The following TMEM131 variants were observed in gnomAD, a reference collection of about 807,000 sequenced individuals.
TMEM131 encodes the protein transmembrane protein 131.
A neutral mutation model predicts 211.6 loss-of-function variants in TMEM131; 66 were observed. That is an observed-to-expected ratio of 0.31 (90% CI 0.26 to 0.38). The LOEUF (loss-of-function observed/expected upper bound fraction) is 0.38. TMEM131 is among the 10% of genes least tolerant of loss of function. The pLI is 1.00. For synonymous variants in TMEM131, 844 were observed against 841.3 expected (o/e 1.00, Z -0.06); for missense variants, 2,036 against 2,299.3 (o/e 0.89, Z 2.34).
At chr2:97,865,017 T>C (rs1187935100) in intron 4 of TMEM131, among the ~76,000 whole-genome samples, 1 of 152,252 alleles carries the variant, frequency 6.6e-6, no homozygotes, top group Non-Finnish European at 1.5e-5. Flanking sequence ...CCCACGATGC[T>C]TCTGCCTAAG....
chr2:97,855,992 A>G (rs1057102757), intron 5 of TMEM131, among the ~76,000 whole-genome samples: 10 of 152,222 alleles, frequency 6.6e-5, no homozygotes, highest in African/African-American at 2.4e-4. Flanking sequence ...TAAGTGAACT[A>G]TAACATTTTA....
intron 12 of TMEM131, among the ~76,000 whole-genome samples, chr2:97,817,169 A>T (rs976014166): frequency 2.3e-4 from 35 of 152,216 alleles, no homozygotes; most frequent in African/African-American, 8.4e-4. Flanking sequence ...AAGAAGGGAA[A>T]GATTAAGTGG....
In TMEM131 at chr2:97,995,469, C is replaced by T; in HGVS notation, c.187+7G>A. On this transcript the variant is annotated splice_region_variant and intron_variant, in intron 1 of 40. Transcript: ENST00000186436. ...CCGCCGCAGGGACGCCGCCGGGGGACACCCACCTTCCTTCTCGGCCCGCGC... is the reference window on the plus strand; with the variant it reads ...CCGCCGCAGGGACGCCGCCGGGGGATACCCACCTTCCTTCTCGGCCCGCGC... 3 of 1,394,046 alleles carry T rather than the reference C, an allele frequency of 2.2e-6. No individual in the cohort carries two copies. Among genetic ancestry groups the T allele is most frequent in the Non-Finnish European group, 2.8e-6 (3 of 1,068,880 alleles). 86.4% of individuals were successfully genotyped at this position (1,394,046 alleles called of 1,614,324 possible). A position where few individuals can be genotyped will look rare whatever the true frequency, so the allele number is the denominator to read the frequency against.
At chr2:97,974,741 A>G (rs1239433060) in intron 1 of TMEM131, among the ~76,000 whole-genome samples, 1 of 152,146 alleles carries the variant, frequency 6.6e-6, no homozygotes, top group Non-Finnish European at 1.5e-5. Flanking sequence ...TCGACCTGTA[A>G]TTCTATAGCA....
intron 31 of TMEM131, among the ~76,000 whole-genome samples, chr2:97,789,666 G>A (rs540583637): frequency 6.6e-5 from 10 of 152,252 alleles, no homozygotes; most frequent in East Asian, 1.9e-4. Flanking sequence ...GGCCACAGAC[G>A]CCATCATTTC....
At chr2:97,819,185 T>C (rs920189672) in intron 11 of TMEM131, among the ~76,000 whole-genome samples, 1 of 152,168 alleles carries the variant, frequency 6.6e-6, no homozygotes, top group African/African-American at 2.4e-5. Context: ...GCACACTTCA[T>C]TTCTAATGGC....
At chr2:97,852,633 G>A (rs186866751) in intron 5 of TMEM131, among the ~76,000 whole-genome samples, 2 of 152,374 alleles carry the variant, frequency 1.3e-5, no homozygotes, top group East Asian at 1.9e-4. Context: ...GCAAGGTGAA[G>A]CATTAAATGC....
chr2:97,878,718 G>A (rs543503694), intron 4 of TMEM131, among the ~76,000 whole-genome samples: 1 of 152,168 alleles, frequency 6.6e-6, no homozygotes, highest in Non-Finnish European at 1.5e-5. Context: ...GCTAGAGGAG[G>A]GATAACATTA....
intron 3 of TMEM131, among the ~76,000 whole-genome samples, chr2:97,901,319 G>A (rs569975430): frequency 2.6e-4 from 40 of 152,182 alleles, no homozygotes; most frequent in Non-Finnish European, 2.9e-4. Context: ...TTTCCTCTAC[G>A]TTTTCTTCAA....
intron 25 of TMEM131, among the ~76,000 whole-genome samples, 191 bp from the exon 26 acceptor site, chr2:97,797,707 C>A (rs1297902301): frequency 1.3e-5 from 2 of 152,244 alleles, no homozygotes; most frequent in Non-Finnish European, 2.9e-5. Context: ...GATTCATATT[C>A]TACATTAAGT....
intron 2 of TMEM131, among the ~76,000 whole-genome samples, chr2:97,914,639 T>A (rs138003390): frequency 1.5e-4 from 23 of 152,340 alleles, no homozygotes; most frequent in Admixed American, 1.1e-3. Context: ...ACATGTAACC[T>A]TTTGGAGTTG....
chr2:97,984,902 G>C (rs1274880898), intron 1 of TMEM131, among the ~76,000 whole-genome samples: 1 of 152,048 alleles, frequency 6.6e-6, no homozygotes, highest in Non-Finnish European at 1.5e-5. Context: ...GGCAGCCCAA[G>C]TCCAATGGGT....
rs536794932 is a variant in TMEM131, at chr2:97,764,451, T to G, written c.4723+1663A>C. On this transcript the variant is annotated intron_variant, in intron 35 of 40. Transcript: ENST00000186436. ...TGGAACATTTTAGTAACGCTGGCAG[T>G]GAGGGCAGAGAGGTCACAGGGCTTG... 3.3e-5 allele frequency: 5 copies of G among 152,438 alleles called. No homozygotes were observed. The East Asian group carries it at 9.7e-4, about 30-fold the overall frequency. 9.4% of individuals were successfully genotyped at this position (152,438 alleles called of 1,614,324 possible). A position where few individuals can be genotyped will look rare whatever the true frequency, so the allele number is the denominator to read the frequency against.
At chr2:97,796,498 CACAGGTTATAA>C in intron 27 of TMEM131, 94 bp from the exon 28 acceptor site, 1 of 814,262 alleles carries the variant, frequency 1.2e-6, no homozygotes, top group Non-Finnish European at 1.9e-6. Flanking sequence ...TACTATATGT[CACAGGTTATAA>C]ACCATCCCTG....
In TMEM131 at chr2:97,805,673, T is replaced by C. The variant is rs1478526379; in HGVS notation, c.2086A>G (p.Met696Val). ...TTTACCTTCTGTGAGAAGGAATTCA[T>C]AATATTTAAACTTTGATGAACTATT... Reference protein sequence around the residue: ...GKIVHQSLNIMNSFSQKVKIQ... With the variant: ...GKIVHQSLNIVNSFSQKVKIQ... The change falls in exon 20 of 41, where the codon ATG becomes GTG. Residue 696 changes from methionine to valine, a missense_variant. By Grantham distance (21) the Met-to-Val change is conservative. Coordinates refer to ENST00000186436, the MANE Select transcript of TMEM131 (RefSeq NM_015348.2). 1.0e-5 allele frequency: 16 copies of C among 1,605,180 alleles called. No homozygotes were observed. Among genetic ancestry groups the C allele is most frequent in the African/African-American group, 1.3e-5 (1 of 74,840 alleles).
intron 18 of TMEM131, 145 bp from the exon 19 acceptor site, chr2:97,809,919 A>G (rs1681477194): frequency 3.2e-6 from 2 of 622,020 alleles, no homozygotes; most frequent in Non-Finnish European, 5.9e-6. Context: ...AATCACCCAT[A>G]GATACTGTTT....
rs1482867482 is a variant in TMEM131, at chr2:97,833,951, T to C, written c.1013-525A>G. ...ATGCTGGGATTATAGGCATGAGCCA[T>C]CATGCCCAGCCCCCCAAATATTATT... is the stretch of plus-strand genomic sequence containing the variant. On this transcript the variant is annotated intron_variant, in intron 10 of 40. Coordinates refer to ENST00000186436, the MANE Select transcript of TMEM131 (RefSeq NM_015348.2). Among the ~76,000 whole-genome samples, 4 of 152,168 alleles carry C rather than the reference T, an allele frequency of 2.6e-5. No homozygotes were observed. In the East Asian group the frequency reaches 7.7e-4, roughly 29 times the overall value.
At chr2:97,813,936 G>A (rs1349274675) in intron 15 of TMEM131, 35 bp downstream of exon 15, 76 of 1,477,190 alleles carry the variant, frequency 5.1e-5, no homozygotes, top group Non-Finnish European at 6.9e-5. Flanking sequence ...AGGTGGGCAG[G>A]GAGTTTAAAT....
Position 97,995,493 on chromosome 2 carries a change from G to A in TMEM131, c.170C>T (p.Ala57Val). 4 of 1,408,772 alleles carry A rather than the reference G, an allele frequency of 2.8e-6. No homozygotes were observed. Among genetic ancestry groups the A allele is most frequent in the Non-Finnish European group, 3.7e-6 (4 of 1,076,024 alleles). 87.3% of individuals were successfully genotyped at this position (1,408,772 alleles called of 1,614,324 possible). ...HLVMTLVVAA[A>V]RAEKEAFVQS... ...ACACCCACCTTCCTTCTCGGCCCGC[G>A]CCGCAGCCACTACGAGGGTCATCAC... Residue 57 changes from alanine (A) to valine (V), a missense_variant, in exon 1 of 41, where the codon GCG becomes GTG. Physicochemically the swap from Ala to Val is moderately conservative, Grantham distance 64. Coordinates refer to ENST00000186436, the MANE Select transcript of TMEM131 (RefSeq NM_015348.2).
Sources: allele counts gnomAD v4.1 joint callset (sites outside exome capture counted in the v4.1 genomes callset), GRCh38; gene constraint gnomAD v4.1.1; transcripts MANE v1.5; gene names NCBI Gene and HGNC (gene_info 2026-07-23, HGNC 2026-07-21).